The following NLGN1 variants were observed in gnomAD, a reference collection of about 807,000 sequenced individuals.
NLGN1 encodes neuroligin 1, also known as neuroligin-1.
In NLGN1, 12 loss-of-function variants were observed where a neutral mutation model predicts 65.5. That is an observed-to-expected ratio of 0.18 (90% CI 0.12 to 0.30). The LOEUF (loss-of-function observed/expected upper bound fraction) is 0.30, where lower values mean the gene tolerates loss of function less well. Ranked by LOEUF, NLGN1 falls within the 10% of genes least tolerant of loss-of-function variation. The pLI is 1.00. For synonymous variants in NLGN1, 350 were observed against 359.5 expected (o/e 0.97, Z 0.30); for missense variants, 750 against 1,007.1 (o/e 0.74, Z 3.46).
chr3:173,531,362 T>C (rs1365661249), intron 2 of NLGN1, among the ~76,000 whole-genome samples: 1 of 152,112 alleles, frequency 6.6e-6, no homozygotes, highest in Non-Finnish European at 1.5e-5. Context: ...TTGCAATTTT[T>C]TAAAATTTTA....
chr3:173,907,582 C>CTTTTTTT, intron 4 of NLGN1, among the ~76,000 whole-genome samples: 1 of 120,688 alleles, frequency 8.3e-6, no homozygotes, highest in Non-Finnish European at 1.7e-5. Context: ...CTCTCTCTCT[C>CTTTTTTT]TTTTTTTTTT....
At chr3:173,447,364 C>T (rs555518201) in intron 2 of NLGN1, among the ~76,000 whole-genome samples, 1 of 152,134 alleles carries the variant, frequency 6.6e-6, no homozygotes, top group Non-Finnish European at 1.5e-5. Flanking sequence ...TGTCAAAGAT[C>T]AGGTAGTTGT....
intron 4 of NLGN1, among the ~76,000 whole-genome samples, chr3:173,962,776 A>T (rs1016253331): frequency 1.3e-5 from 2 of 152,186 alleles, no homozygotes; most frequent in African/African-American, 4.8e-5. Flanking sequence ...GATACAGAAT[A>T]GCCTAAGGGT....
chr3:173,953,823 T>A (rs1205674613), intron 4 of NLGN1, among the ~76,000 whole-genome samples: 1 of 152,172 alleles, frequency 6.6e-6, no homozygotes, highest in East Asian at 1.9e-4. Context: ...GGTTACAGGT[T>A]TGAGCCACTG....
chr3:173,643,980 TCCACCAGCTGCAGATCA>T (rs1157941534), intron 3 of NLGN1, among the ~76,000 whole-genome samples: 3 of 152,150 alleles, frequency 2.0e-5, no homozygotes, highest in African/African-American at 7.2e-5. Context: ...AAGCTGCCAG[TCCACCAGCTGCAGATCA>T]CCTGAGCCCT....
intron 1 of NLGN1, among the ~76,000 whole-genome samples, chr3:173,411,717 C>G (rs1282447634): frequency 6.6e-6 from 1 of 152,092 alleles, no homozygotes; most frequent in East Asian, 1.9e-4. Context: ...CCCCTCATCT[C>G]TTATCTAATA....
intron 4 of NLGN1, among the ~76,000 whole-genome samples, chr3:174,083,747 C>A (rs1159153032): frequency 2.0e-5 from 3 of 151,994 alleles, no homozygotes; most frequent in African/African-American, 4.8e-5. Context: ...AATGCTAATA[C>A]CCGGCTAATA....
At position 173,559,559 on chromosome 3, in the gene NLGN1, C is replaced by T. The variant is rs1742308989; in HGVS notation, c.-320-44720C>T. ...AGAATATTAGAATTTTTAAATTTGT[C>T]TAGGATTTTTTTATTCACATCATGA... On this transcript the variant is annotated intron_variant, in intron 2 of 6. Transcript: ENST00000457714. 2.0e-5 allele frequency among the ~76,000 whole-genome samples: 3 copies of T among 152,148 alleles called. No individual in the cohort carries two copies. In the South Asian group the frequency reaches 6.2e-4, roughly 32 times the overall value.
chr3:174,210,112 G>A (rs534651623), intron 4 of NLGN1, among the ~76,000 whole-genome samples: 3 of 152,168 alleles, frequency 2.0e-5, no homozygotes, highest in Non-Finnish European at 2.9e-5. Flanking sequence ...CCCTTAACAC[G>A]TAAGTATGAG....
At chr3:173,565,559 A>C (rs35515001) in intron 2 of NLGN1, among the ~76,000 whole-genome samples, 1 of 151,980 alleles carries the variant, frequency 6.6e-6, no homozygotes, top group Non-Finnish European at 1.5e-5. Flanking sequence ...AGGAATTAAA[A>C]GATAGCATAA....
chr3:173,753,553 A>G (rs909653447), intron 3 of NLGN1, among the ~76,000 whole-genome samples: 3 of 152,146 alleles, frequency 2.0e-5, no homozygotes, highest in African/African-American at 7.2e-5. Flanking sequence ...AACCACTGTT[A>G]TGTCTCGCCT....
chr3:174,053,731 T>C (rs1451456005), intron 4 of NLGN1, among the ~76,000 whole-genome samples: 1 of 152,004 alleles, frequency 6.6e-6, no homozygotes, highest in Non-Finnish European at 1.5e-5. Flanking sequence ...CCCTAATCCT[T>C]GCCCTTTTCC....
intron 4 of NLGN1, among the ~76,000 whole-genome samples, chr3:173,989,429 G>T (rs975240168): frequency 1.3e-5 from 2 of 152,074 alleles, no homozygotes; most frequent in African/African-American, 2.4e-5. Flanking sequence ...GAAAGTCAGG[G>T]TTTATTTTTC....
chr3:173,610,662 A>AT (rs1347956456), intron 3 of NLGN1, among the ~76,000 whole-genome samples: 2 of 151,766 alleles, frequency 1.3e-5, no homozygotes, highest in African/African-American at 4.8e-5. Flanking sequence ...GTAAACCAAG[A>AT]TTTTTTTTGT....
chr3:174,065,363 T>C (rs965559654), intron 4 of NLGN1, among the ~76,000 whole-genome samples: 1 of 152,122 alleles, frequency 6.6e-6, no homozygotes, highest in Non-Finnish European at 1.5e-5. Context: ...ATGTATAATT[T>C]ATATGTATAA....
intron 2 of NLGN1, among the ~76,000 whole-genome samples, chr3:173,545,308 A>G (rs1477725740): frequency 6.6e-6 from 1 of 152,136 alleles, no homozygotes; most frequent in Admixed American, 6.5e-5. Flanking sequence ...CGCTGACCTC[A>G]GGTGATCCAC....
At chr3:174,064,737 TTAA>T (rs1220626067) in intron 4 of NLGN1, among the ~76,000 whole-genome samples, 1 of 150,852 alleles carries the variant, frequency 6.6e-6, no homozygotes, top group Non-Finnish European at 1.5e-5. Context: ...TTTGAAATTT[TTAA>T]TAATAAAAAG....
intron 3 of NLGN1, among the ~76,000 whole-genome samples, chr3:173,674,180 T>C (rs1349040703): frequency 6.6e-6 from 1 of 152,128 alleles, no homozygotes; most frequent in Non-Finnish European, 1.5e-5. Flanking sequence ...TTTTCTGAAG[T>C]AATGAGAGGT....
intron 4 of NLGN1, among the ~76,000 whole-genome samples, chr3:173,872,028 A>G (rs1377106152): frequency 6.6e-6 from 1 of 152,132 alleles, no homozygotes; most frequent in Non-Finnish European, 1.5e-5. Context: ...TGGATGGCCC[A>G]CCGTGAGGGG....
Sources: allele counts gnomAD v4.1 joint callset (sites outside exome capture counted in the v4.1 genomes callset), GRCh38; gene constraint gnomAD v4.1.1; transcripts MANE v1.5; gene names NCBI Gene and HGNC (gene_info 2026-07-23, HGNC 2026-07-21).